Variants in TRPM3 observed in about 807,000 individuals in gnomAD.
TRPM3 encodes the protein transient receptor potential cation channel subfamily M member 3.
In TRPM3, 77 loss-of-function variants were observed where a neutral mutation model predicts 181.2. That is an observed-to-expected ratio of 0.42 (90% confidence interval 0.35 to 0.51). The LOEUF (loss-of-function observed/expected upper bound fraction) is 0.51, where lower values mean the gene tolerates loss of function less well. Among genes scored for constraint, TRPM3 ranks in the 20% least tolerant of loss-of-function variants. The probability of loss-of-function intolerance (pLI) is 0.01; values close to 1 mark genes in which losing one functional copy is unlikely to be tolerated. For synonymous variants in TRPM3, 745 were observed against 796.4 expected (o/e 0.94, Z 1.09); for missense variants, 1,759 against 2,196.7 (o/e 0.80, Z 3.98).
intron 1 of TRPM3, among the ~76,000 whole-genome samples, chr9:71,250,711 C>CCAG (rs2082295154): frequency 6.6e-6 from 1 of 152,034 alleles, no homozygotes; most frequent in Non-Finnish European, 1.5e-5. Flanking sequence ...TGAGAAAGAG[C>CCAG]CAGCAGTAAG....
chr9:70,619,146 T>A (rs776921772), intron 16 of TRPM3, 51 bp from the exon 17 acceptor site: 29 of 1,525,640 alleles, frequency 1.9e-5, no homozygotes, highest in Non-Finnish European at 9.8e-6. Context: ...TGGAGACTTA[T>A]AAGGTAAAAG....
At chr9:71,017,908 C>T (rs2097797799) in intron 1 of TRPM3, among the ~76,000 whole-genome samples, 1 of 151,712 alleles carries the variant, frequency 6.6e-6, no homozygotes, top group Admixed American at 6.6e-5. Context: ...ATAATACTTG[C>T]CAAAATATTT....
At chr9:71,300,846 T>C (rs7863765) in intron 1 of TRPM3, among the ~76,000 whole-genome samples, 149,086 of 152,218 alleles carry the variant, frequency 0.98, 73,072 homozygotes, top group East Asian at 1. Flanking sequence ...ATATGGGATT[T>C]AGCATTTGGA....
chr9:71,129,949 T>C (rs1017632800), intron 1 of TRPM3, among the ~76,000 whole-genome samples: 1 of 152,220 alleles, frequency 6.6e-6, no homozygotes, highest in African/African-American at 2.4e-5. Flanking sequence ...ACTCATTTGG[T>C]ATGCTCAATA....
At chr9:70,876,204 C>T (rs555221147) in intron 1 of TRPM3, among the ~76,000 whole-genome samples, 26 of 151,556 alleles carry the variant, frequency 1.7e-4, no homozygotes, top group Admixed American at 1.2e-3. Flanking sequence ...ATTCTTACCT[C>T]AGTGTGTTAA....
intron 1 of TRPM3, among the ~76,000 whole-genome samples, chr9:71,361,399 T>C (rs540014916): frequency 5.9e-5 from 9 of 152,268 alleles, no homozygotes; most frequent in Non-Finnish European, 1.3e-4. Context: ...TTAAAGGGAC[T>C]AGGTGGAGAT....
At chr9:71,015,972 G>A (rs958503022) in intron 1 of TRPM3, among the ~76,000 whole-genome samples, 3 of 151,748 alleles carry the variant, frequency 2.0e-5, no homozygotes, top group African/African-American at 2.4e-5. Flanking sequence ...CGAGGGAGGC[G>A]GATCACGAGG....
intron 1 of TRPM3, among the ~76,000 whole-genome samples, chr9:71,410,423 G>A (rs1237514306): frequency 6.6e-6 from 1 of 152,032 alleles, no homozygotes; most frequent in Non-Finnish European, 1.5e-5. Flanking sequence ...TAATAAAGGG[G>A]ATATCACCAC....
At position 71,121,251 on chromosome 9, in the gene TRPM3, G is replaced by A. The variant is rs190905594; in HGVS notation, c.104C>T (p.Ala35Val). The change falls in exon 1 of 26, where the codon GCT becomes GTT. Residue 35 changes from alanine (A) to valine (V), a missense_variant. Physicochemically the swap from Ala to Val is moderately conservative, Grantham distance 64 (BLOSUM62 0). Transcript: ENST00000677713. ...GATGGTCCAGTTTAGGGGTCGAGGAGCATCAGCCTGATTCATGACCCCTTC... is the reference window on the plus strand; with the variant it reads ...GATGGTCCAGTTTAGGGGTCGAGGAACATCAGCCTGATTCATGACCCCTTC... Reference protein sequence around the residue: ...NLEGVMNQADAPRPLNWTIRK... With the variant: ...NLEGVMNQADVPRPLNWTIRK... The A allele has an allele frequency of 6.2e-7, 1 of 1,614,144 alleles. No homozygotes were observed. Among genetic ancestry groups the A allele is most frequent in the African/African-American group, 1.3e-5 (1 of 75,050 alleles).
At chr9:71,166,873 G>C (rs1167918178) in intron 1 of TRPM3, among the ~76,000 whole-genome samples, 1 of 152,100 alleles carries the variant, frequency 6.6e-6, no homozygotes, top group African/African-American at 2.4e-5. Context: ...TGCATAGATT[G>C]AAATTTCATA....
chr9:70,815,624 T>G (rs2092623934), intron 6 of TRPM3, among the ~76,000 whole-genome samples: 1 of 152,238 alleles, frequency 6.6e-6, no homozygotes, highest in Non-Finnish European at 1.5e-5. Context: ...TTTCCTATGA[T>G]CTTCCTGCGG....
chr9:70,686,851 G>T (rs1422950093), intron 8 of TRPM3, among the ~76,000 whole-genome samples: 1 of 130,326 alleles, frequency 7.7e-6, no homozygotes, highest in Non-Finnish European at 1.6e-5. Flanking sequence ...TTTGAGACAG[G>T]GTCTCACTCT....
intron 1 of TRPM3, among the ~76,000 whole-genome samples, chr9:70,980,105 C>T (rs1039841311): frequency 3.5e-5 from 1 of 28,500 alleles, no homozygotes; most frequent in African/African-American, 1.9e-4. Context: ...ACGGAGTACA[C>T]TAAGCCAAGA....
intron 1 of TRPM3, among the ~76,000 whole-genome samples, chr9:70,996,575 G>C (rs940500966): frequency 6.6e-6 from 1 of 152,214 alleles, no homozygotes; most frequent in Non-Finnish European, 1.5e-5. Context: ...TATGTGCAAG[G>C]CCAACAGTGA....
intron 1 of TRPM3, among the ~76,000 whole-genome samples, chr9:71,321,549 A>C (rs572661813): frequency 5.9e-5 from 9 of 152,320 alleles, no homozygotes; most frequent in Middle Eastern, 3.4e-3. Context: ...CTAGAATATA[A>C]GATGTAAGAA....
intron 22 of TRPM3, among the ~76,000 whole-genome samples, chr9:70,588,922 CA>C (rs2057632421): frequency 6.6e-6 from 1 of 152,132 alleles, no homozygotes; most frequent in African/African-American, 2.4e-5. Context: ...TGAGAAAGGA[CA>C]AATACTCACT....
chr9:71,261,041 T>A (rs975212777), intron 1 of TRPM3, among the ~76,000 whole-genome samples: 1 of 152,196 alleles, frequency 6.6e-6, no homozygotes, highest in South Asian at 2.1e-4. Flanking sequence ...AGAATTTGAA[T>A]GTTGGCCTGC....
At chr9:71,152,007 GA>G in intron 1 of TRPM3, among the ~76,000 whole-genome samples, 1 of 152,190 alleles carries the variant, frequency 6.6e-6, no homozygotes, top group African/African-American at 2.4e-5. Flanking sequence ...AAAGGTGTAA[GA>G]ACCCTGGCTT....
rs144037513 is a variant in TRPM3 at position 70,550,221 on chromosome 9, T to G, written c.3575-547A>C. On this transcript the variant is annotated intron_variant, in intron 24 of 25. Coordinates refer to ENST00000677713, the MANE Select transcript of TRPM3 (RefSeq NM_001366145.2). ...TCTGCTGCAGGGAGGAGTGGTGTCTTGGGAAGAGATTTTACTTTCCTGATA... is the reference window on the plus strand; with the variant it reads ...TCTGCTGCAGGGAGGAGTGGTGTCTGGGGAAGAGATTTTACTTTCCTGATA... 1.4e-4 allele frequency among the ~76,000 whole-genome samples: 21 copies of G among 152,302 alleles called. No individual in the cohort carries two copies. In the East Asian group the frequency reaches 4.1e-3, roughly 29 times the overall value.
Sources: allele counts gnomAD v4.1 joint callset (sites outside exome capture counted in the v4.1 genomes callset), GRCh38; gene constraint gnomAD v4.1.1; transcripts MANE v1.5; gene names NCBI Gene and HGNC (gene_info 2026-07-23, HGNC 2026-07-21).